The following ELMO3 variants were observed in gnomAD, a reference collection of about 807,000 sequenced individuals.
The protein encoded by ELMO3 is engulfment and cell motility 3.
In ELMO3, 81 loss-of-function variants were observed where a neutral mutation model predicts 89.0. The ratio of observed to expected loss-of-function variants is 0.91; its 90% CI spans 0.76 to 1.09. ELMO3 has a LOEUF of 1.09. ELMO3 is among the 50% of genes least tolerant of loss of function. The pLI, the probability that ELMO3 is intolerant of heterozygous loss-of-function variation, is 0.00. For synonymous variants in ELMO3, 406 were observed against 400.6 expected (o/e 1.01, Z -0.16); for missense variants, 959 against 972.8 (o/e 0.99, Z 0.19).
chr16:67,201,797 A>T lies in ELMO3; in HGVS notation c.974A>T (p.Glu325Val), dbSNP rs370005444. The change falls in exon 11 of 20, where the codon GAG (glutamate) becomes GTG (valine). Residue 325 changes from glutamate (E) to valine (V), a missense_variant. Transcript: ENST00000393997. ...CAGGCTGCCTTCGAGGTGGAGGGGG[A>T]GTCCTCGGGTGCCGGGCTAAGTGCT... Reference protein sequence around the residue: ...LRQAAFEVEGESSGAGLSADR... With the variant: ...LRQAAFEVEGVSSGAGLSADR... The T allele has an allele frequency of 1.0e-4, 166 of 1,611,664 alleles. 1 individual carries two copies. Among genetic ancestry groups the T allele is most frequent in the Non-Finnish European group, 1.3e-4 (157 of 1,179,984 alleles).
rs1273262396 is a variant in ELMO3 at position 67,200,886 on chromosome 16, A to G, written c.666-4A>G. Reference sequence around the variant, plus strand: ...TGTTCCACTGAGCCCTCTTCTTGCCATAGGATGAACCAGCAGCTGCAAACC... The same window carrying G: ...TGTTCCACTGAGCCCTCTTCTTGCCGTAGGATGAACCAGCAGCTGCAAACC... On this transcript the variant is annotated splice_polypyrimidine_tract_variant and splice_region_variant and intron_variant, in intron 7 of 19. Transcript: ENST00000393997. The G allele has an allele frequency of 6.2e-7, 1 of 1,613,766 alleles. No individual in the cohort carries two copies. Among genetic ancestry groups the G allele is most frequent in the African/African-American group, 1.3e-5 (1 of 75,044 alleles).
At chr16:67,200,995 G>C in intron 8 of ELMO3, 27 bp downstream of exon 8, 1 of 1,576,296 alleles carries the variant, frequency 6.3e-7, no homozygotes, top group East Asian at 2.2e-5. Flanking sequence ...GGCTAGATGG[G>C]GGCAGCACCC....
chr16:67,201,550 G>A lies in ELMO3; in HGVS notation c.826G>A (p.Asp276Asn), dbSNP rs779134617. 5.0e-6 allele frequency: 8 copies of A among 1,614,054 alleles called. No homozygotes were observed. The highest frequency in any genetic ancestry group is 1.6e-4 in the Middle Eastern group (1 of 6,062). ...NIIHSAAPMGDEMAHHLYVLQ... is the reference protein window; with the variant it reads ...NIIHSAAPMGNEMAHHLYVLQ... ...CATCCACAGTGCAGCACCAATGGGC[G>A]ACGAGATGGCTCATCACCTGTACGT... Residue 276 changes from aspartate to asparagine, a missense_variant, in exon 10 of 20, where the codon GAC becomes AAC. Coordinates refer to ENST00000393997, the MANE Select transcript of ELMO3 (RefSeq NM_024712.5).
In ELMO3 at chr16:67,203,820, G is replaced by GGCC; in HGVS notation, c.2106_2107insGCC (p.Val702_Pro703insAla). 3 of 1,602,778 alleles carry GGCC rather than the reference G, an allele frequency of 1.9e-6. No homozygotes were observed. The highest frequency in any genetic ancestry group is 2.6e-6 in the Non-Finnish European group (3 of 1,173,328). ...CCATCCCCGAGCGGCCACCCCCTGT[G>GGCC]CCCCCACCCCCCACCAACTTCAACT... On this transcript the variant is annotated inframe_insertion, in exon 20 of 20. Transcript: ENST00000393997. The surrounding 1 kb of genome is among the most constrained non-coding windows in gnomAD (Gnocchi z 4.6).
chr16:67,200,981 C>T lies in ELMO3; in HGVS notation c.744+13C>T, dbSNP rs761179212. 20 of 1,588,176 alleles carry T rather than the reference C, an allele frequency of 1.3e-5. No individual in the cohort carries two copies. Among genetic ancestry groups the T allele is most frequent in the Admixed American group, 7.9e-5 (4 of 50,900 alleles). ...TGTGGAACGCAAGGTGAGTGTCGAT[C>T]GGTGGCTAGATGGGGGCAGCACCCG... is the stretch of plus-strand genomic sequence containing the variant. On this transcript the variant is annotated intron_variant, in intron 8 of 19. Coordinates refer to ENST00000393997, the MANE Select transcript of ELMO3 (RefSeq NM_024712.5).
At position 67,203,607 on chromosome 16, in the gene ELMO3, C is replaced by T. The variant is rs370458805; in HGVS notation, c.1950+24C>T. 68 of 1,613,830 alleles carry T rather than the reference C, an allele frequency of 4.2e-5. 1 individual carries two copies. In the South Asian group the frequency reaches 5.7e-4, roughly 14 times the overall value. On this transcript the variant is annotated intron_variant, in intron 19 of 19. Transcript: ENST00000393997. This position sits in a 1 kb window ranked among gnomAD's most constrained non-coding sequence, Gnocchi z 4.6. ...AGGTGAGTGTCCGCCAGGCTGAGGT[C>T]GGCAGGTGGGCAGGGGAGGCAGATG...
intron 10 of ELMO3, 29 bp from the exon 11 acceptor site, chr16:67,201,713 C>T: frequency 6.2e-7 from 1 of 1,607,780 alleles, no homozygotes; most frequent in Non-Finnish European, 8.5e-7. Context: ...ATCTTGATCC[C>T]CTCCCCCGCC....
chr16:67,201,556 A>T lies in ELMO3; in HGVS notation c.832A>T (p.Met278Leu), dbSNP rs2033110058. ...IHSAAPMGDE[M>L]AHHLYVLQAL... ...CAGTGCAGCACCAATGGGCGACGAG[A>T]TGGCTCATCACCTGTACGTACTGCA... is the stretch of plus-strand genomic sequence containing the variant. Residue 278 changes from methionine to leucine, a missense_variant, in exon 10 of 20, where the codon ATG becomes TTG. Coordinates refer to ENST00000393997, the MANE Select transcript of ELMO3 (RefSeq NM_024712.5). 2 of 1,613,918 alleles carry T rather than the reference A, an allele frequency of 1.2e-6. No individual in the cohort carries two copies. Among genetic ancestry groups the T allele is most frequent in the African/African-American group, 2.7e-5 (2 of 74,918 alleles).
rs769592648 is a variant in ELMO3 at position 67,201,891 on chromosome 16, C to T, written c.1050+18C>T. The T allele has an allele frequency of 1.2e-6, 2 of 1,603,234 alleles. No individual in the cohort carries two copies. On this transcript the variant is annotated intron_variant, in intron 11 of 19. Coordinates refer to ENST00000393997, the MANE Select transcript of ELMO3 (RefSeq NM_024712.5). The stretch of plus-strand genomic sequence containing the variant: ...GCTTTTCTGTGAGTATCACCCCTAC[C>T]CAACTCCCCACCCCTGCCTCAGCCC...
At chr16:67,200,065 C>G in intron 4 of ELMO3, 64 bp downstream of exon 4, 1 of 1,581,544 alleles carries the variant, frequency 6.3e-7, no homozygotes, top group Non-Finnish European at 8.6e-7. Context: ...AGAGGCCCCC[C>G]GCCCCGGAGG....
At chr16:67,199,476 G>GGGCCC in intron 1 of ELMO3, 72 bp downstream of exon 1, 157 of 1,502,742 alleles carry the variant, frequency 1.0e-4, no homozygotes, top group Middle Eastern at 2.4e-4. Flanking sequence ...CCTCGGGGCA[G>GGGCCC]CCCGCCCCAC....
rs2033069802 is a variant in ELMO3 at position 67,200,320 on chromosome 16, T to C, written c.372T>C (p.Asn124=). The change falls in exon 5 of 20, where the codon AAT becomes AAC. Residue 124 remains asparagine, a synonymous_variant. Coordinates refer to ENST00000393997, the MANE Select transcript of ELMO3 (RefSeq NM_024712.5). The part of the protein sequence containing the change: ...MIFAREVISR[N]GLQILGTIIE... ...TTGCCAGGGAGGTCATCAGCCGTAA[T>C]GGGCTCCAGATACTAGGCACCATCA... The C allele has an allele frequency of 3.1e-6, 5 of 1,613,904 alleles. No individual in the cohort carries two copies.
chr16:67,203,508 G>T lies in ELMO3; in HGVS notation c.1875G>T (p.Glu625Asp). The T allele has an allele frequency of 6.2e-7, 1 of 1,613,832 alleles. No individual in the cohort carries two copies. The highest frequency in any genetic ancestry group is 8.5e-7 in the Non-Finnish European group (1 of 1,179,914). ...CCTTGCTTCCCCAGGACCTCTATGA[G>T]TTGGCCTTCTCAATCAGCTATGACC... is the stretch of plus-strand genomic sequence containing the variant. The part of the protein sequence containing the change: ...GSGKQNKDLY[E>D]LAFSISYDRG... Residue 625 changes from glutamate to aspartate, a missense_variant, in exon 19 of 20, where the codon GAG becomes GAT. Physicochemically the swap from Glu to Asp is conservative, Grantham distance 45 (BLOSUM62 2). Coordinates refer to ENST00000393997, the MANE Select transcript of ELMO3 (RefSeq NM_024712.5). This position sits in a 1 kb window ranked among gnomAD's most constrained non-coding sequence, Gnocchi z 4.6.
rs188892061 is a variant in ELMO3, at chr16:67,202,389, C to T, written c.1262-8C>T. Reference sequence around the variant, plus strand: ...TCTCCCTGAGCCCCTCCTGCCCCCCCACTCCAGGCTCTGAGACAGCCCAGG... The same window carrying T: ...TCTCCCTGAGCCCCTCCTGCCCCCCTACTCCAGGCTCTGAGACAGCCCAGG... On this transcript the variant is annotated splice_region_variant and splice_polypyrimidine_tract_variant and intron_variant, in intron 13 of 19. Coordinates refer to ENST00000393997, the MANE Select transcript of ELMO3 (RefSeq NM_024712.5). 32 of 1,613,704 alleles carry T rather than the reference C, an allele frequency of 2.0e-5. No homozygotes were observed. The East Asian group carries it at 2.2e-4, about 11-fold the overall frequency.
rs776129646 is a variant in ELMO3, at chr16:67,203,815, CCT to C, written c.2102_2103del (p.Pro701ArgfsTer13). 8.1e-6 allele frequency: 13 copies of C among 1,609,570 alleles called. No individual in the cohort carries two copies. Among genetic ancestry groups the C allele is most frequent in the East Asian group, 2.2e-5 (1 of 44,740 alleles). On this transcript the variant is annotated frameshift_variant, in exon 20 of 20. Coordinates refer to ENST00000393997, the MANE Select transcript of ELMO3 (RefSeq NM_024712.5). LOFTEE classifies it high-confidence loss of function. This position sits in a 1 kb window ranked among gnomAD's most constrained non-coding sequence, Gnocchi z 4.6. ...CGTGCCCATCCCCGAGCGGCCACCC[CCT>C]GTGCCCCCACCCCCCACCAACTTCA... ...ENVPIPERPPPVPPPPTNFNF... is the reference protein window; with the variant it reads ...ENVPIPERPPXVPPPPTNFNF...
At position 67,203,860 on chromosome 16, in the gene ELMO3, A is replaced by G. The variant is rs909628954; in HGVS notation, c.2146A>G (p.Ser716Gly). ...PTNFNFCYDC[S>G]IAEP ...CAACTTCAACTTCTGCTATGACTGC[A>G]GCATCGCTGAACCTTGACAGTGTGG... Residue 716 changes from serine (S) to glycine (G), a missense_variant, in exon 20 of 20, where the codon AGC becomes GGC. Ser to Gly is a moderately conservative substitution (Grantham distance 56). Transcript: ENST00000393997. The surrounding 1 kb of genome is among the most constrained non-coding windows in gnomAD (Gnocchi z 4.6). 3.8e-6 allele frequency: 6 copies of G among 1,583,900 alleles called. No individual in the cohort carries two copies. Among genetic ancestry groups the G allele is most frequent in the Non-Finnish European group, 5.1e-6 (6 of 1,165,248 alleles).
Position 67,202,995 on chromosome 16 carries a change from C to T in ELMO3, c.1666C>T (p.Arg556Trp), listed in dbSNP as rs765916368. Residue 556 changes from arginine (R) to tryptophan (W), a missense_variant, in exon 16 of 20, where the codon CGG becomes TGG. Coordinates refer to ENST00000393997, the MANE Select transcript of ELMO3 (RefSeq NM_024712.5). ...GCTCTTCCGCAAGATCAGCAGCCGG[C>T]GGCGCCAGGGTCTCTGAATGGGCAT... Reference protein sequence around the residue: ...GTLFRKISSRRRQDKLWFCCL... With the variant: ...GTLFRKISSRWRQDKLWFCCL... The T allele has an allele frequency of 8.7e-6, 14 of 1,605,318 alleles. No individual in the cohort carries two copies. Among genetic ancestry groups the T allele is most frequent in the South Asian group, 6.6e-5 (6 of 91,060 alleles).
rs749808248 is a variant in ELMO3 at position 67,203,740 on chromosome 16, G to A, written c.2026G>A (p.Glu676Lys). The A allele has an allele frequency of 1.2e-6, 2 of 1,613,450 alleles. No individual in the cohort carries two copies. The highest frequency in any genetic ancestry group is 2.2e-5 in the East Asian group (1 of 44,890). The change falls in exon 20 of 20, where the codon GAG becomes AAG. Residue 676 changes from glutamate (E) to lysine (K), a missense_variant. By Grantham distance (56) the Glu-to-Lys change is moderately conservative. Coordinates refer to ENST00000393997, the MANE Select transcript of ELMO3 (RefSeq NM_024712.5). The surrounding 1 kb of genome is among the most constrained non-coding windows in gnomAD (Gnocchi z 4.6). The stretch of plus-strand genomic sequence containing the variant: ...CAGCGAGCAGACACGGCTGGACCTG[G>A]AGCAGCTGCTGACCATGGAGACCAA... ...MGSEQTRLDL[E>K]QLLTMETKLR...
Position 67,202,657 on chromosome 16 carries a change from C to T in ELMO3, c.1429C>T (p.Arg477Cys), listed in dbSNP as rs369708381. Reference protein sequence around the residue: ...VMQVVREQLARTLALKPTSLE... With the variant: ...VMQVVREQLACTLALKPTSLE... ...GCAGGTGGTGCGGGAGCAGCTGGCCCGCACTCTGGCCCTGAAGCCCACTTC... is the reference window on the plus strand; with the variant it reads ...GCAGGTGGTGCGGGAGCAGCTGGCCTGCACTCTGGCCCTGAAGCCCACTTC... The change falls in exon 15 of 20, where the codon CGC becomes TGC. Residue 477 changes from arginine (R) to cysteine (C), a missense_variant. Coordinates refer to ENST00000393997, the MANE Select transcript of ELMO3 (RefSeq NM_024712.5). 9.3e-6 allele frequency: 15 copies of T among 1,613,502 alleles called. No individual in the cohort carries two copies. The highest frequency in any genetic ancestry group is 4.4e-5 in the South Asian group (4 of 91,082).
Sources: allele counts gnomAD v4.1 joint callset, GRCh38; gene constraint gnomAD v4.1.1; non-coding constraint Gnocchi (gnomAD v3.1); transcripts MANE v1.5; gene names NCBI Gene and HGNC (gene_info 2026-07-23, HGNC 2026-07-21).